Variants in HTR1F observed in about 807,000 individuals in gnomAD.
HTR1F encodes the protein 5-hydroxytryptamine (serotonin) receptor 1F, G protein-coupled.
Under a neutral mutation model 24.0 loss-of-function variants are expected in HTR1F, and 17 were observed. The observed-to-expected ratio is 0.71, with a 90% CI of 0.48 to 1.06. The LOEUF is 1.06. Ranked by LOEUF, HTR1F falls within the 50% of genes least tolerant of loss-of-function variation. HTR1F has a pLI of 0.00. For missense variants in HTR1F, 391 were observed against 427.8 expected (o/e 0.91, Z 0.76); for synonymous variants, 186 against 156.8 (o/e 1.19, Z -1.39).
intron 2 of HTR1F, among the ~76,000 whole-genome samples, chr3:87,931,094 C>A (rs1704257376): frequency 6.8e-6 from 1 of 146,746 alleles, no homozygotes; most frequent in Non-Finnish European, 1.5e-5. Context: ...CATACATGTG[C>A]ACAATGTGCA....
chr3:87,921,451 G>A (rs1407936123), intron 2 of HTR1F, among the ~76,000 whole-genome samples: 1 of 151,618 alleles, frequency 6.6e-6, no homozygotes, highest in African/African-American at 2.4e-5. Flanking sequence ...TTTTATACAC[G>A]ATATAATTGT....
intron 2 of HTR1F, among the ~76,000 whole-genome samples, chr3:87,886,300 C>G (rs183967259): frequency 1.3e-5 from 2 of 152,232 alleles, no homozygotes; most frequent in African/African-American, 4.8e-5. Flanking sequence ...GCCCTTCCTG[C>G]TAAAAACTCT....
At chr3:87,794,982 CTTTTTTTTTT>C (rs57368229) in intron 1 of HTR1F, among the ~76,000 whole-genome samples, 5 of 90,414 alleles carry the variant, frequency 5.5e-5, no homozygotes, top group African/African-American at 2.3e-4. Flanking sequence ...TTATGACTGA[CTTTTTTTTTT>C]TTTTTTTTTT....
intron 1 of HTR1F, among the ~76,000 whole-genome samples, chr3:87,818,690 G>A (rs1704296003): frequency 1.3e-5 from 2 of 152,200 alleles, no homozygotes; most frequent in Admixed American, 6.5e-5. Context: ...CCATCCACAG[G>A]TATATCTTAT....
chr3:87,933,458 T>C (rs150225047), intron 2 of HTR1F, among the ~76,000 whole-genome samples: 1,660 of 152,262 alleles, frequency 0.011, 26 homozygotes, highest in African/African-American at 0.037. Flanking sequence ...GAAAACCCCA[T>C]TGTCTAAGCT....
chr3:87,948,160 T>C (rs911136892), intron 2 of HTR1F, among the ~76,000 whole-genome samples: 27 of 152,296 alleles, frequency 1.8e-4, no homozygotes, highest in African/African-American at 6.0e-4. Context: ...ATTTTAAAGA[T>C]TCTGAATCGT....
At chr3:87,905,649 T>C (rs748929563) in intron 2 of HTR1F, among the ~76,000 whole-genome samples, 9 of 151,910 alleles carry the variant, frequency 5.9e-5, no homozygotes, top group Admixed American at 3.9e-4. Flanking sequence ...TTACAATTTG[T>C]CTATGTTTTG....
chr3:87,895,245 G>T (rs1223442817), intron 2 of HTR1F, among the ~76,000 whole-genome samples: 1 of 152,006 alleles, frequency 6.6e-6, no homozygotes, highest in Non-Finnish European at 1.5e-5. Flanking sequence ...GAAATAATAT[G>T]TGTGTAAATA....
intron 2 of HTR1F, among the ~76,000 whole-genome samples, chr3:87,923,657 T>C (rs1433319837): frequency 6.6e-6 from 1 of 152,078 alleles, no homozygotes; most frequent in African/African-American, 2.4e-5. Flanking sequence ...TTCATTGTTT[T>C]GAAGTATGTT....
chr3:87,847,222 G>T (rs1704964918), intron 2 of HTR1F, among the ~76,000 whole-genome samples: 1 of 151,696 alleles, frequency 6.6e-6, no homozygotes, highest in South Asian at 2.1e-4. Flanking sequence ...AATAATAATG[G>T]TGATGCTTTG....
At chr3:87,914,690 A>C (rs1703853435) in intron 2 of HTR1F, among the ~76,000 whole-genome samples, 1 of 151,888 alleles carries the variant, frequency 6.6e-6, no homozygotes, top group Non-Finnish European at 1.5e-5. Context: ...CCCCAGCTAG[A>C]CCATCCAAGT....
At chr3:87,823,564 G>T (rs1349868205) in intron 2 of HTR1F, among the ~76,000 whole-genome samples, 2 of 148,626 alleles carry the variant, frequency 1.3e-5, no homozygotes, top group Non-Finnish European at 3.0e-5. Context: ...ACCCAGGCTG[G>T]GCTGCAGTGG....
chr3:87,957,474 C>T (rs1037265093), intron 2 of HTR1F, among the ~76,000 whole-genome samples: 1 of 151,082 alleles, frequency 6.6e-6, no homozygotes, highest in Non-Finnish European at 1.5e-5. Flanking sequence ...ATCAGAAAAT[C>T]ATATGAAAAT....
intron 2 of HTR1F, among the ~76,000 whole-genome samples, chr3:87,861,081 C>T (rs201763372): frequency 2.0e-5 from 3 of 152,092 alleles, no homozygotes; most frequent in East Asian, 3.9e-4. Flanking sequence ...TGCTTGAACC[C>T]GAGAAGCAGA....
At chr3:87,807,167 C>A (rs908132314) in intron 1 of HTR1F, among the ~76,000 whole-genome samples, 1 of 151,836 alleles carries the variant, frequency 6.6e-6, no homozygotes, top group Non-Finnish European at 1.5e-5. Flanking sequence ...TGTAAAAAAT[C>A]TCATTGGTAT....
At chr3:87,917,940 T>A (rs1475149010) in intron 2 of HTR1F, among the ~76,000 whole-genome samples, 1 of 151,850 alleles carries the variant, frequency 6.6e-6, no homozygotes, top group East Asian at 1.9e-4. Flanking sequence ...CAGACCAATA[T>A]CCCTGATGAA....
intron 2 of HTR1F, among the ~76,000 whole-genome samples, chr3:87,880,001 T>C (rs1705753558): frequency 6.6e-6 from 1 of 152,114 alleles, no homozygotes; most frequent in African/African-American, 2.4e-5. Context: ...ATTTTTCATA[T>C]AAAATGAAAA....
intron 1 of HTR1F, among the ~76,000 whole-genome samples, chr3:87,798,123 T>G (rs538651986): frequency 6.6e-6 from 1 of 152,204 alleles, no homozygotes; most frequent in African/African-American, 2.4e-5. Context: ...GGATCATCAC[T>G]CTCATCAAAT....
chr3:87,867,114 A>G (rs998100320), intron 2 of HTR1F, among the ~76,000 whole-genome samples: 4 of 151,872 alleles, frequency 2.6e-5, no homozygotes, highest in African/African-American at 9.7e-5. Context: ...ATTTTTTCAA[A>G]CACCAAGCCA....
Sources: allele counts gnomAD v4.1 joint callset (sites outside exome capture counted in the v4.1 genomes callset), GRCh38; gene constraint gnomAD v4.1.1; transcripts MANE v1.5; gene names NCBI Gene and HGNC (gene_info 2026-07-23, HGNC 2026-07-21).